The following WDR72 variants were observed in gnomAD, a reference collection of about 807,000 sequenced individuals.
The protein encoded by WDR72 is WD repeat-containing protein 72.
WDR72 carries 120 observed loss-of-function variants against 124.2 expected under a neutral mutation model. The ratio of observed to expected loss-of-function variants is 0.97; its 90% CI spans 0.83 to 1.12. The LOEUF is 1.12. WDR72 is among the 50% of genes most tolerant of loss of function. WDR72 has a pLI of 0.00. For synonymous variants in WDR72, 452 were observed against 441.7 expected, an observed-to-expected ratio of 1.02 and a Z score of -0.29; for missense variants, 1,387 against 1,278.8, an observed-to-expected ratio of 1.08 and a Z score of -1.29.
At chr15:53,640,492 A>G (rs1020934567) in intron 14 of WDR72, among the ~76,000 whole-genome samples, 1 of 152,222 alleles carries the variant, frequency 6.6e-6, no homozygotes, top group Non-Finnish European at 1.5e-5. Flanking sequence ...ACAGATTACA[A>G]ATGAAAAGTA....
intron 14 of WDR72, among the ~76,000 whole-genome samples, chr15:53,660,093 A>G (rs1306740906): frequency 1.3e-5 from 2 of 152,002 alleles, no homozygotes; most frequent in South Asian, 2.1e-4. Context: ...AAATAGTTCT[A>G]TGCTGCTTAT....
rs927844241 is a variant in WDR72 at position 53,706,037 on chromosome 15, T to C, written c.992A>G (p.Glu331Gly). 3.7e-6 allele frequency: 6 copies of C among 1,613,924 alleles called. No homozygotes were observed. The highest frequency in any genetic ancestry group is 5.1e-6 in the Non-Finnish European group (6 of 1,180,010). The stretch of plus-strand genomic sequence containing the variant: ...TACCTTGTAAAAAGGCTCTTTCCTT[T>C]CATTCATGTAGCCCATAACAAAGGG... Reference protein sequence around the residue: ...SRPFVMGYMNERKEPFYKVLF... With the variant: ...SRPFVMGYMNGRKEPFYKVLF... Residue 331 changes from glutamate to glycine, a missense_variant, in exon 10 of 20, where the codon GAA becomes GGA. Glu to Gly is a moderately conservative substitution (Grantham distance 98). Transcript: ENST00000360509.
At chr15:53,648,716 C>T (rs913444097) in intron 14 of WDR72, among the ~76,000 whole-genome samples, 3 of 151,832 alleles carry the variant, frequency 2.0e-5, no homozygotes, top group African/African-American at 7.3e-5. Context: ...TCAACACATA[C>T]TTATTAAATT....
At chr15:53,759,427 G>T (rs555969601) in intron 1 of WDR72, 1 of 137,300 alleles carries the variant, frequency 7.3e-6, no homozygotes, top group African/African-American at 2.6e-5. Flanking sequence ...CCAAGTGCAA[G>T]AACTTAGAGC....
At chr15:53,625,596 T>C (rs552505052) in intron 14 of WDR72, among the ~76,000 whole-genome samples, 18 of 152,260 alleles carry the variant, frequency 1.2e-4, no homozygotes, top group African/African-American at 4.1e-4. Context: ...ATTCTTTGTC[T>C]GGAGTACAAA....
Position 53,725,728 on chromosome 15 carries a change from C to T in WDR72, c.154-2820G>A, listed in dbSNP as rs41321945. The stretch of plus-strand genomic sequence containing the variant: ...TAAAGGTTTTATGATTCCAACTATA[C>T]GACATTGTGGAAAAGGCAAAACTTA... On this transcript the variant is annotated intron_variant, in intron 2 of 19. Coordinates refer to ENST00000360509, the MANE Select transcript of WDR72 (RefSeq NM_182758.4). Among the ~76,000 whole-genome samples, 199 of 152,120 alleles carry T rather than the reference C, an allele frequency of 1.3e-3. 1 individual carries two copies. The highest frequency in any genetic ancestry group is 6.8e-3 in the Middle Eastern group (2 of 294).
chr15:53,531,328 C>A (rs538286291), intron 18 of WDR72, among the ~76,000 whole-genome samples: 7 of 152,188 alleles, frequency 4.6e-5, no homozygotes, highest in African/African-American at 1.7e-4. Context: ...TTCTCACACC[C>A]CCACACCCTC....
chr15:53,610,597 T>G, intron 16 of WDR72, among the ~76,000 whole-genome samples: 1 of 151,862 alleles, frequency 6.6e-6, no homozygotes, highest in Non-Finnish European at 1.5e-5. Context: ...TGAATATATA[T>G]TTACCACATT....
intron 14 of WDR72, among the ~76,000 whole-genome samples, chr15:53,638,214 T>C (rs980200405): frequency 1.3e-5 from 2 of 152,198 alleles, no homozygotes; most frequent in African/African-American, 2.4e-5. Context: ...AGCTATAACA[T>C]TAGACAAAGT....
At chr15:53,734,912 A>C (rs1019808162) in intron 1 of WDR72, among the ~76,000 whole-genome samples, 1 of 151,980 alleles carries the variant, frequency 6.6e-6, no homozygotes, top group Non-Finnish European at 1.5e-5. Flanking sequence ...TATATAAAAA[A>C]TTGTTTCCAG....
intron 17 of WDR72, among the ~76,000 whole-genome samples, chr15:53,607,451 C>T (rs529870738): frequency 1.3e-5 from 2 of 152,186 alleles, no homozygotes; most frequent in Admixed American, 1.3e-4. Flanking sequence ...ATAAATGGTG[C>T]TGGGAAATCC....
Position 53,517,641 on chromosome 15 carries a change from T to C in WDR72, c.*58A>G. 1 of 1,551,830 alleles carries C rather than the reference T, an allele frequency of 6.4e-7. No individual in the cohort carries two copies. Among genetic ancestry groups the C allele is most frequent in the Non-Finnish European group, 8.9e-7 (1 of 1,123,748 alleles). On this transcript the variant is annotated 3_prime_UTR_variant, in exon 20 of 20. Coordinates refer to ENST00000360509, the MANE Select transcript of WDR72 (RefSeq NM_182758.4). ...ATGCTTTTATACAGTAATAAACAAA[T>C]GGCATCTTTTGGATTTCTTAATTTG...
intron 18 of WDR72, among the ~76,000 whole-genome samples, chr15:53,529,175 TTTTTTTA>T (rs1462824580): frequency 1.4e-5 from 2 of 138,220 alleles, no homozygotes; most frequent in African/African-American, 5.9e-5. Flanking sequence ...TTTTTTTTTT[TTTTTTTA>T]AAAGAATATA....
At chr15:53,529,732 T>C (rs1423791593) in intron 18 of WDR72, among the ~76,000 whole-genome samples, 1 of 151,992 alleles carries the variant, frequency 6.6e-6, no homozygotes, top group Non-Finnish European at 1.5e-5. Flanking sequence ...CTCCCAACTC[T>C]TTCTATTCCT....
chr15:53,694,130 C>G (rs1319264397), intron 13 of WDR72, among the ~76,000 whole-genome samples: 1 of 152,116 alleles, frequency 6.6e-6, no homozygotes, highest in Middle Eastern at 3.2e-3. Flanking sequence ...CCTCCTGGAG[C>G]CCAGCAGTAC....
intron 18 of WDR72, among the ~76,000 whole-genome samples, chr15:53,543,302 C>A (rs1023473544): frequency 4.0e-5 from 6 of 151,398 alleles, no homozygotes; most frequent in African/African-American, 9.7e-5. Flanking sequence ...ATCTCTCAGA[C>A]CACAGTGCAA....
At chr15:53,557,236 G>A (rs1333908274) in intron 18 of WDR72, among the ~76,000 whole-genome samples, 1 of 152,108 alleles carries the variant, frequency 6.6e-6, no homozygotes, top group African/African-American at 2.4e-5. Context: ...TCTAAGGTTA[G>A]GAAGTTCTTG....
intron 18 of WDR72, among the ~76,000 whole-genome samples, chr15:53,593,724 T>G (rs2012625468): frequency 6.6e-6 from 1 of 151,520 alleles, no homozygotes; most frequent in Non-Finnish European, 1.5e-5. Flanking sequence ...ATCACACCAT[T>G]GCACTCTAGC....
intron 18 of WDR72, among the ~76,000 whole-genome samples, chr15:53,534,143 G>C (rs1892626291): frequency 6.6e-6 from 1 of 152,074 alleles, no homozygotes; most frequent in Non-Finnish European, 1.5e-5. Flanking sequence ...GTCATCTTTA[G>C]CTTATCTCAG....
Sources: gnomAD v4.1 joint callset for allele counts (sites outside exome capture counted in the v4.1 genomes callset) on GRCh38, gnomAD v4.1.1 for gene constraint, MANE v1.5 for transcripts, NCBI Gene and HGNC (gene_info 2026-07-23, HGNC 2026-07-21) for gene names.